Variants in SAR1A observed in about 807,000 individuals in gnomAD.
SAR1A encodes the protein small COPII coat GTPase SAR1A.
Under a neutral mutation model 22.6 loss-of-function variants are expected in SAR1A, and 6 were observed. The ratio of observed to expected loss-of-function variants is 0.27; its 90% CI spans 0.15 to 0.52. SAR1A has a LOEUF of 0.52. Ranked by LOEUF, SAR1A falls within the 20% of genes least tolerant of loss-of-function variation. SAR1A has a pLI of 0.96. For missense variants in SAR1A, 145 were observed against 245.1 expected, an observed-to-expected ratio of 0.59 and a Z score of 2.73; for synonymous variants, 70 against 82.2, an observed-to-expected ratio of 0.85 and a Z score of 0.80.
chr10:70,148,662 C>A lies in SAR1A; in HGVS notation c.*3814G>T, dbSNP rs1211959264. Reference sequence around the variant, plus strand: ...AAACTAGCTGAGCACGGTGGTGCAACCCTGTGGTCCCAAGCTACTTGGGAG... The same window carrying A: ...AAACTAGCTGAGCACGGTGGTGCAAACCTGTGGTCCCAAGCTACTTGGGAG... On this transcript the variant is annotated 3_prime_UTR_variant, in exon 7 of 7. Transcript: ENST00000373241. 3 of 152,086 alleles carry A rather than the reference C, an allele frequency of 2.0e-5. No homozygotes were observed. The East Asian group carries it at 5.8e-4, about 29-fold the overall frequency. 9.4% of individuals were successfully genotyped at this position (152,086 alleles called of 1,614,324 possible).
Position 70,150,684 on chromosome 10 carries a change from C to T in SAR1A, c.*1792G>A, listed in dbSNP as rs2136706484. On this transcript the variant is annotated 3_prime_UTR_variant, in exon 7 of 7. Transcript: ENST00000373241. ...TGCAAGTTATATTACCTAGTTCATT[C>T]ACTGTTAGCTAGATTTGTTCACTTA... 1 of 152,366 alleles carries T rather than the reference C, an allele frequency of 6.6e-6. No homozygotes were observed. Among genetic ancestry groups the T allele is most frequent in the South Asian group, 2.1e-4 (1 of 4,824 alleles). 9.4% of individuals were successfully genotyped at this position (152,366 alleles called of 1,614,324 possible). A position where few individuals can be genotyped will look rare whatever the true frequency, so the allele number is the denominator to read the frequency against.
At chr10:70,152,735 T>A in intron 6 of SAR1A, 143 bp from the exon 7 acceptor site, 1 of 640,826 alleles carries the variant, frequency 1.6e-6, no homozygotes. Flanking sequence ...CAAGGCCATA[T>A]AGATGACTTC....
At chr10:70,164,865 G>C (rs75145976) in intron 1 of SAR1A, among the ~76,000 whole-genome samples, 5,400 of 152,300 alleles carry the variant, frequency 0.035, 200 homozygotes, top group African/African-American at 0.086. Context: ...AGATATTACT[G>C]CTCATTGACA....
At position 70,149,720 on chromosome 10, in the gene SAR1A, ATT is replaced by A. The variant is rs1324747377; in HGVS notation, c.*2754_*2755del. ...CTCCATGTACCACAATGCCCAGCTA[ATT>A]TTTTTGTATTTTAGTAGTGATGGGG... On this transcript the variant is annotated 3_prime_UTR_variant, in exon 7 of 7. Transcript: ENST00000373241. 1 of 151,282 alleles carries A rather than the reference ATT, an allele frequency of 6.6e-6. No homozygotes were observed. The highest frequency in any genetic ancestry group is 2.4e-5 in the African/African-American group (1 of 41,098). The allele number at this position is 151,282 out of a possible 1,614,324, so 9.4% of individuals were successfully genotyped here.
intron 3 of SAR1A, 152 bp downstream of exon 3, chr10:70,161,467 A>G (rs1839466707): frequency 1.2e-6 from 1 of 810,100 alleles, no homozygotes; most frequent in African/African-American, 1.7e-5. Context: ...CTGAAAGTAC[A>G]TAACCTGAGT....
intron 1 of SAR1A, among the ~76,000 whole-genome samples, chr10:70,168,368 G>C (rs1338018734): frequency 6.6e-6 from 1 of 152,196 alleles, no homozygotes; most frequent in African/African-American, 2.4e-5. Flanking sequence ...GCCGAGGCAA[G>C]TGGATGACCT....
rs772953379 is a variant in SAR1A, at chr10:70,157,761, T to C, written c.348+3A>G. On this transcript the variant is annotated splice_donor_region_variant and intron_variant, in intron 5 of 6. Coordinates refer to ENST00000373241, the MANE Select transcript of SAR1A (RefSeq NM_020150.5). ...AAAATACACATTAAAGGACAAAACA[T>C]ACATTAAGCTCAACTTTGGATTCCA... The C allele has an allele frequency of 2.5e-6, 4 of 1,605,626 alleles. No homozygotes were observed. Among genetic ancestry groups the C allele is most frequent in the Non-Finnish European group, 3.4e-6 (4 of 1,172,842 alleles).
At chr10:70,163,588 G>C (rs1377958224) in intron 1 of SAR1A, 11 of 617,168 alleles carry the variant, frequency 1.8e-5, no homozygotes, top group Non-Finnish European at 3.2e-5. Context: ...GAAAATCCTA[G>C]GGCCCTGAAG....
chr10:70,157,479 G>T (rs1483912234), intron 5 of SAR1A, among the ~76,000 whole-genome samples: 1 of 151,576 alleles, frequency 6.6e-6, no homozygotes, highest in Non-Finnish European at 1.5e-5. Flanking sequence ...AATTATGCTG[G>T]GACAACAGGC....
Position 70,153,848 on chromosome 10 carries a change from G to A in SAR1A, c.470C>T (p.Thr157Ile), listed in dbSNP as rs764680697. ...LREIFGLYGQ[T>I]TGKGNVTLKE... is the part of the protein sequence containing the mutation. ...ATATTTTTCTCTTACCTTTCCTGTGGTCTGTCCATAAAGCCCAAATATCTC... is the reference window on the plus strand; with the variant it reads ...ATATTTTTCTCTTACCTTTCCTGTGATCTGTCCATAAAGCCCAAATATCTC... Residue 157 changes from threonine to isoleucine, a missense_variant, in exon 6 of 7, where the codon ACC becomes ATC. By Grantham distance (89) the Thr-to-Ile change is moderately conservative. Coordinates refer to ENST00000373241, the MANE Select transcript of SAR1A (RefSeq NM_020150.5). The A allele has an allele frequency of 1.3e-6, 2 of 1,585,972 alleles. No homozygotes were observed. The highest frequency in any genetic ancestry group is 2.3e-5 in the South Asian group (2 of 85,260).
chr10:70,166,608 C>T (rs1839554716), intron 1 of SAR1A: 1 of 151,974 alleles, frequency 6.6e-6, no homozygotes, highest in Non-Finnish European at 1.5e-5. Flanking sequence ...TTTTAGAGAA[C>T]CATTAAGGGA....
chr10:70,166,451 A>G (rs1159300221), intron 1 of SAR1A, among the ~76,000 whole-genome samples: 4 of 152,182 alleles, frequency 2.6e-5, no homozygotes, highest in Non-Finnish European at 5.9e-5. Flanking sequence ...ATATTAATCT[A>G]TCCTGTAAAC....
At chr10:70,154,651 A>G (rs1839365881) in intron 5 of SAR1A, among the ~76,000 whole-genome samples, 1 of 151,978 alleles carries the variant, frequency 6.6e-6, no homozygotes, top group African/African-American at 2.4e-5. Flanking sequence ...GTAGAGATGG[A>G]GTTTTACCAT....
intron 5 of SAR1A, among the ~76,000 whole-genome samples, chr10:70,156,735 T>A (rs1839393576): frequency 6.7e-6 from 1 of 149,676 alleles, no homozygotes; most frequent in Admixed American, 6.7e-5. Context: ...AGGCTGGAGC[T>A]ATAGATGTGA....
chr10:70,161,200 C>T (rs1031504553), intron 3 of SAR1A, 131 bp from the exon 4 acceptor site: 33 of 685,496 alleles, frequency 4.8e-5, no homozygotes, highest in Non-Finnish European at 7.0e-5. Flanking sequence ...TGGTGGTACC[C>T]GCCTGTAGTT....
intron 6 of SAR1A, 40 bp downstream of exon 6, chr10:70,153,798 T>A (rs372756926): frequency 4.0e-5 from 61 of 1,517,530 alleles, no homozygotes; most frequent in Non-Finnish European, 5.4e-5. Context: ...TTAAAAACTG[T>A]TAATGTCCTT....
At chr10:70,164,999 T>C (rs187284312) in intron 1 of SAR1A, among the ~76,000 whole-genome samples, 117 of 152,318 alleles carry the variant, frequency 7.7e-4, no homozygotes, top group Admixed American at 2.3e-3. Context: ...TTGCCAGTCT[T>C]TCATTTAAGA....
chr10:70,169,098 A>G (rs1839591125), intron 1 of SAR1A, among the ~76,000 whole-genome samples: 1 of 152,210 alleles, frequency 6.6e-6, no homozygotes, highest in African/African-American at 2.4e-5. Context: ...CACTGGCCTC[A>G]TTTAACAAGA....
At chr10:70,161,294 C>A (rs191655376) in intron 3 of SAR1A, 233 of 545,952 alleles carry the variant, frequency 4.3e-4, no homozygotes, top group East Asian at 3.8e-3. Flanking sequence ...CCACTCCCAA[C>A]AAAGAAAAGG....
Sources: gnomAD v4.1 joint callset for allele counts (sites outside exome capture counted in the v4.1 genomes callset) on GRCh38, gnomAD v4.1.1 for gene constraint, MANE v1.5 for transcripts, NCBI Gene and HGNC (gene_info 2026-07-23, HGNC 2026-07-21) for gene names.